The following SEMA6D variants were observed in gnomAD, a reference collection of about 807,000 sequenced individuals.
SEMA6D encodes semaphorin-6D.
A neutral mutation model predicts 106.6 loss-of-function variants in SEMA6D; 35 were observed. The observed-to-expected ratio is 0.33, with a 90% CI of 0.25 to 0.44. SEMA6D has a LOEUF of 0.44. Among genes scored for constraint, SEMA6D ranks in the 20% least tolerant of loss-of-function variants. The pLI, the probability that SEMA6D is intolerant of heterozygous loss-of-function variation, is 1.00. For missense variants in SEMA6D, 1,185 were observed against 1,345.9 expected, an observed-to-expected ratio of 0.88 and a Z score of 1.87; for synonymous variants, 499 against 487.7, an observed-to-expected ratio of 1.02 and a Z score of -0.31.
At chr15:47,342,238 C>T (rs192547794) in intron 1 of SEMA6D, among the ~76,000 whole-genome samples, 3 of 152,278 alleles carry the variant, frequency 2.0e-5, no homozygotes, top group Admixed American at 6.5e-5. Context: ...CCTTTGTCTT[C>T]TTTCCGCCTA....
chr15:47,243,919 A>C (rs1386139982), intron 1 of SEMA6D, among the ~76,000 whole-genome samples: 1 of 152,142 alleles, frequency 6.6e-6, no homozygotes, highest in Admixed American at 6.6e-5. Context: ...ATAGCAATGG[A>C]CAAAATTTGA....
At chr15:47,475,914 C>T (rs1041828845) in intron 3 of SEMA6D, among the ~76,000 whole-genome samples, 4 of 152,178 alleles carry the variant, frequency 2.6e-5, no homozygotes, top group Admixed American at 6.5e-5. Context: ...AGAAAGAATA[C>T]ATGAGCAATT....
rs536442993 is a variant in SEMA6D, at chr15:47,736,046, T to C, written c.-55+18354T>C. On this transcript the variant is annotated intron_variant, in intron 1 of 18. Transcript: ENST00000536845. ...TCTTTGGGCCTCTTAAAATTTGTTA[T>C]CCAGTTTGTGGGGTTTGTTTATTTA... Among the ~76,000 whole-genome samples, 124 of 152,340 alleles carry C rather than the reference T, an allele frequency of 8.1e-4. 2 individuals carry two copies. Among genetic ancestry groups the C allele is most frequent in the Admixed American group, 1.7e-3 (26 of 15,308 alleles).
chr15:47,764,980 G>T lies in SEMA6D; in HGVS notation c.1351G>T (p.Val451Phe). 1 of 1,613,882 alleles carries T rather than the reference G, an allele frequency of 6.2e-7. No individual in the cohort carries two copies. The highest frequency in any genetic ancestry group is 8.5e-7 in the Non-Finnish European group (1 of 1,179,850). The change falls in exon 13 of 19, where the codon GTT (valine) becomes TTT (phenylalanine). Residue 451 changes from valine to phenylalanine, a missense_variant. Physicochemically the swap from Val to Phe is conservative, Grantham distance 50. Transcript: ENST00000536845. ...CTCTGAAGCTGGCATGGTACTTAAA[G>T]TTCTGGCAAAGACCAGTCCTTTCTC... ...VGSEAGMVLKVLAKTSPFSLN... is the reference protein window; with the variant it reads ...VGSEAGMVLKFLAKTSPFSLN...
At chr15:47,370,531 G>A (rs2039230707) in intron 1 of SEMA6D, among the ~76,000 whole-genome samples, 1 of 149,792 alleles carries the variant, frequency 6.7e-6, no homozygotes, top group Non-Finnish European at 1.5e-5. Flanking sequence ...AAAAAAGAAA[G>A]GTAGTGATAA....
At chr15:47,413,361 T>C (rs181051911) in intron 2 of SEMA6D, among the ~76,000 whole-genome samples, 238 of 152,244 alleles carry the variant, frequency 1.6e-3, no homozygotes, top group African/African-American at 5.5e-3. Flanking sequence ...TTTAATAGGT[T>C]AAATTAAAAA....
intron 4 of SEMA6D, among the ~76,000 whole-genome samples, chr15:47,647,719 CA>C (rs777557315): frequency 0.071 from 6,635 of 93,596 alleles, 332 homozygotes; most frequent in African/African-American, 0.17. Flanking sequence ...CAATTGTGGG[CA>C]AAAAAAAAAA....
At chr15:47,584,337 C>T (rs762901510) in intron 3 of SEMA6D, among the ~76,000 whole-genome samples, 2 of 151,800 alleles carry the variant, frequency 1.3e-5, no homozygotes, top group Admixed American at 6.6e-5. Context: ...GCAGGATAAT[C>T]GCCTGAACCC....
In SEMA6D at chr15:47,772,622, A is replaced by C. The variant is rs1037380878; in HGVS notation, c.*837A>C. On this transcript the variant is annotated 3_prime_UTR_variant, in exon 19 of 19. Coordinates refer to ENST00000536845, the MANE Select transcript of SEMA6D (RefSeq NM_001358351.3). ...GAGTTGCAAGTGATTTTGTGCTGCT[A>C]TTCATTAAAACTTGTATTCCAGTCT... The C allele has an allele frequency of 2.0e-5, 3 of 152,528 alleles. No homozygotes were observed. Among genetic ancestry groups the C allele is most frequent in the African/African-American group, 7.2e-5 (3 of 41,390 alleles). 9.4% of individuals were successfully genotyped at this position (152,528 alleles called of 1,614,324 possible). A position where few individuals can be genotyped will look rare whatever the true frequency, so the allele number is the denominator to read the frequency against.
At position 47,241,086 on chromosome 15, in the gene SEMA6D, G is replaced by C. The variant is rs567813150; in HGVS notation, c.-239+56668G>C. ...CTCCTAGCAAGGAAGGGACCGAGCT[G>C]AGATTAGAATGCAAATGGCACTATT... is the stretch of plus-strand genomic sequence containing the variant. On this transcript the variant is annotated intron_variant, in intron 1 of 19. Transcript: ENST00000558014. 2.6e-5 allele frequency among the ~76,000 whole-genome samples: 4 copies of C among 152,270 alleles called. No individual in the cohort carries two copies. The East Asian group carries it at 7.7e-4, about 29-fold the overall frequency.
chr15:47,632,059 G>T (rs1454282954), intron 4 of SEMA6D, among the ~76,000 whole-genome samples: 1 of 151,794 alleles, frequency 6.6e-6, no homozygotes, highest in Non-Finnish European at 1.5e-5. Flanking sequence ...ATTTAGAAGT[G>T]TGTTGTTTAA....
At chr15:47,643,033 G>A (rs1250246156) in intron 4 of SEMA6D, among the ~76,000 whole-genome samples, 1 of 152,092 alleles carries the variant, frequency 6.6e-6, no homozygotes, top group Non-Finnish European at 1.5e-5. Context: ...GAATAAGAGA[G>A]AGAGAAATAG....
chr15:47,640,389 C>T (rs2144710861), intron 4 of SEMA6D, among the ~76,000 whole-genome samples: 1 of 152,270 alleles, frequency 6.6e-6, no homozygotes, highest in Admixed American at 6.5e-5. Flanking sequence ...TCTTCAAAAT[C>T]TTGCTTGCTG....
chr15:47,552,879 T>A (rs1339659647), intron 3 of SEMA6D, among the ~76,000 whole-genome samples: 6 of 5,054 alleles, frequency 1.2e-3, no homozygotes, highest in African/African-American at 2.5e-3. Flanking sequence ...TATATATATA[T>A]AAATATATAT....
intron 3 of SEMA6D, among the ~76,000 whole-genome samples, chr15:47,571,585 G>T (rs972951105): frequency 2.6e-5 from 4 of 152,192 alleles, no homozygotes; most frequent in African/African-American, 9.7e-5. Context: ...CTGATGCCGA[G>T]AACTATTTTG....
At chr15:47,510,913 A>G (rs1310609077) in intron 3 of SEMA6D, among the ~76,000 whole-genome samples, 1 of 152,208 alleles carries the variant, frequency 6.6e-6, no homozygotes, top group African/African-American at 2.4e-5. Context: ...AGTTCCATAA[A>G]TACTTTATTT....
intron 1 of SEMA6D, among the ~76,000 whole-genome samples, chr15:47,365,543 G>C (rs574584455): frequency 7.9e-4 from 121 of 152,214 alleles, no homozygotes; most frequent in African/African-American, 2.8e-3. Context: ...GCTGATGCCT[G>C]AGCCATGTTA....
chr15:47,295,189 T>C (rs1445228242), intron 1 of SEMA6D, among the ~76,000 whole-genome samples: 11 of 152,266 alleles, frequency 7.2e-5, no homozygotes, highest in Admixed American at 2.6e-4. Context: ...CACATACTTA[T>C]GTATCTTATA....
intron 2 of SEMA6D, among the ~76,000 whole-genome samples, chr15:47,422,172 G>GCCTT (rs1335219700): frequency 1.9e-4 from 15 of 80,506 alleles, no homozygotes; most frequent in African/African-American, 4.7e-4. Flanking sequence ...TTGCCCGCCC[G>GCCTT]CCTGCCTGCC....
Sources: allele counts gnomAD v4.1 joint callset (sites outside exome capture counted in the v4.1 genomes callset), GRCh38; gene constraint gnomAD v4.1.1; transcripts MANE v1.5; gene names NCBI Gene and HGNC (gene_info 2026-07-23, HGNC 2026-07-21).